KCNB2: variants seen among roughly 807,000 people sequenced by gnomAD.
The protein encoded by KCNB2 is potassium voltage-gated channel subfamily B member 2.
Under a neutral mutation model 61.5 loss-of-function variants are expected in KCNB2, and 15 were observed. The observed-to-expected ratio is 0.24, with a 90% CI of 0.16 to 0.38. The LOEUF is 0.38. Ranked by LOEUF, KCNB2 falls within the 10% of genes least tolerant of loss-of-function variation. The probability of loss-of-function intolerance (pLI) is 1.00; values close to 1 mark genes in which losing one functional copy is unlikely to be tolerated. For missense variants in KCNB2, 828 were observed against 1,125.2 expected, an observed-to-expected ratio of 0.74 and a Z score of 3.78; for synonymous variants, 457 against 446.0, an observed-to-expected ratio of 1.02 and a Z score of -0.31.
At chr8:72,648,884 A>G (rs1806170952) in intron 2 of KCNB2, among the ~76,000 whole-genome samples, 1 of 152,158 alleles carries the variant, frequency 6.6e-6, no homozygotes, top group Non-Finnish European at 1.5e-5. Flanking sequence ...TTAATAGACA[A>G]TATCTATAAA....
rs148130455 is a variant in KCNB2 at position 72,805,826 on chromosome 8, C to A, written c.580-130109C>A. Reference sequence around the variant, plus strand: ...GTTGGCATAAAACCTGCAAAGGTAACCTTTGTGCAAAAAGAGACCTGACTA... The same window carrying A: ...GTTGGCATAAAACCTGCAAAGGTAAACTTTGTGCAAAAAGAGACCTGACTA... On this transcript the variant is annotated intron_variant, in intron 2 of 2. Transcript: ENST00000523207. Among the ~76,000 whole-genome samples, 419 of 152,236 alleles carry A rather than the reference C, an allele frequency of 2.8e-3. 2 individuals are homozygous for A. Among genetic ancestry groups the A allele is most frequent in the African/African-American group, 9.8e-3 (406 of 41,548 alleles).
intron 2 of KCNB2, among the ~76,000 whole-genome samples, chr8:72,688,323 C>A (rs1339558577): frequency 3.3e-5 from 5 of 152,062 alleles, no homozygotes; most frequent in Admixed American, 6.5e-5. Context: ...TTGCTGTAGC[C>A]CCCAGGACCT....
chr8:72,725,626 T>A (rs1807637832), intron 2 of KCNB2, among the ~76,000 whole-genome samples: 1 of 144,120 alleles, frequency 6.9e-6, no homozygotes, highest in African/African-American at 2.5e-5. Context: ...TATATATGCA[T>A]TCTTCTGAAA....
chr8:72,755,881 C>G (rs553504819), intron 2 of KCNB2, among the ~76,000 whole-genome samples: 1 of 152,270 alleles, frequency 6.6e-6, no homozygotes, highest in East Asian at 1.9e-4. Context: ...GTGTGCAGGA[C>G]GGGTATAGGA....
chr8:72,798,794 A>C (rs1479461343), intron 2 of KCNB2, among the ~76,000 whole-genome samples: 4 of 152,170 alleles, frequency 2.6e-5, no homozygotes, highest in Admixed American at 2.6e-4. Context: ...CCAGTGGATT[A>C]ATACGAAAAG....
At chr8:72,680,757 C>T (rs570105526) in intron 2 of KCNB2, among the ~76,000 whole-genome samples, 24 of 152,202 alleles carry the variant, frequency 1.6e-4, no homozygotes, top group African/African-American at 3.9e-4. Context: ...CAGAAATGCA[C>T]GAGATAGAGT....
At position 72,789,713 on chromosome 8, in the gene KCNB2, G is replaced by A. The variant is rs117294940; in HGVS notation, c.580-146222G>A. Among the ~76,000 whole-genome samples, 14 of 152,158 alleles carry A rather than the reference G, an allele frequency of 9.2e-5. No individual in the cohort carries two copies. In the East Asian group the frequency reaches 2.7e-3, roughly 29 times the overall value. On this transcript the variant is annotated intron_variant, in intron 2 of 2. Coordinates refer to ENST00000523207, the MANE Select transcript of KCNB2 (RefSeq NM_004770.3). Reference sequence around the variant, plus strand: ...AGAAACATAAAATGAAATAAGTTTTGTATTTTGTTAGGGCACTCTGATGGG... The same window carrying A: ...AGAAACATAAAATGAAATAAGTTTTATATTTTGTTAGGGCACTCTGATGGG...
chr8:72,542,768 T>A (rs1233832229), intron 1 of KCNB2, among the ~76,000 whole-genome samples: 1 of 152,164 alleles, frequency 6.6e-6, no homozygotes. Context: ...CACTGGATAA[T>A]TGATTCAGAG....
chr8:72,926,080 C>T (rs772398653), intron 2 of KCNB2, among the ~76,000 whole-genome samples: 1 of 152,136 alleles, frequency 6.6e-6, no homozygotes, highest in Non-Finnish European at 1.5e-5. Context: ...GAACAACACA[C>T]CCTGGGGCCT....
intron 2 of KCNB2, among the ~76,000 whole-genome samples, chr8:72,588,744 TA>T (rs35312898): frequency 3.9e-4 from 58 of 150,070 alleles, no homozygotes; most frequent in African/African-American, 1.1e-3. Flanking sequence ...AAAAAATAAA[TA>T]AAAAAAAAAT....
At chr8:72,669,714 C>T (rs1230067304) in intron 2 of KCNB2, among the ~76,000 whole-genome samples, 1 of 152,160 alleles carries the variant, frequency 6.6e-6, no homozygotes, top group Non-Finnish European at 1.5e-5. Flanking sequence ...TGTGAGTGCA[C>T]ATTTTCTATT....
chr8:72,621,972 G>A (rs1253076501), intron 2 of KCNB2, among the ~76,000 whole-genome samples: 1 of 152,108 alleles, frequency 6.6e-6, no homozygotes, highest in Non-Finnish European at 1.5e-5. Flanking sequence ...TAGACCCTCA[G>A]ACAAATTATA....
At chr8:72,756,187 G>A (rs1279037815) in intron 2 of KCNB2, among the ~76,000 whole-genome samples, 1 of 152,294 alleles carries the variant, frequency 6.6e-6, no homozygotes, top group African/African-American at 2.4e-5. Context: ...AGCCTTCCAC[G>A]AAGCAGGAGC....
chr8:72,917,126 T>A (rs1806416228), intron 2 of KCNB2, among the ~76,000 whole-genome samples: 1 of 152,182 alleles, frequency 6.6e-6, no homozygotes, highest in South Asian at 2.1e-4. Context: ...TTTCTAGACA[T>A]AAACAACAGT....
chr8:72,928,897 T>C (rs1420500381), intron 2 of KCNB2, among the ~76,000 whole-genome samples: 1 of 152,072 alleles, frequency 6.6e-6, no homozygotes, highest in Non-Finnish European at 1.5e-5. Flanking sequence ...GTGTTAAAAA[T>C]GAGCATTAAA....
intron 2 of KCNB2, among the ~76,000 whole-genome samples, chr8:72,594,897 T>G (rs994875845): frequency 2.0e-5 from 3 of 152,204 alleles, no homozygotes; most frequent in African/African-American, 7.2e-5. Flanking sequence ...ACTTCCTTAG[T>G]GTATACACAT....
At chr8:72,815,525 G>A (rs1342552180) in intron 2 of KCNB2, among the ~76,000 whole-genome samples, 2 of 152,054 alleles carry the variant, frequency 1.3e-5, no homozygotes, top group Non-Finnish European at 2.9e-5. Context: ...TTTCTCTATT[G>A]TATCTCCATT....
At chr8:72,757,407 A>T (rs1025553190) in intron 2 of KCNB2, among the ~76,000 whole-genome samples, 2 of 152,186 alleles carry the variant, frequency 1.3e-5, no homozygotes, top group African/African-American at 4.8e-5. Context: ...ATGGAAAGAG[A>T]GATGCTCAGT....
At chr8:72,778,756 A>G (rs1487736972) in intron 2 of KCNB2, among the ~76,000 whole-genome samples, 2 of 145,016 alleles carry the variant, frequency 1.4e-5, no homozygotes, top group African/African-American at 2.5e-5. Flanking sequence ...AAAAAAAAAA[A>G]AAAAAAAGAA....
Sources: gnomAD v4.1 joint callset for allele counts (sites outside exome capture counted in the v4.1 genomes callset) on GRCh38, gnomAD v4.1.1 for gene constraint, MANE v1.5 for transcripts, NCBI Gene and HGNC (gene_info 2026-07-23, HGNC 2026-07-21) for gene names.